IL17RC: variants seen among roughly 807,000 people sequenced by gnomAD.
IL17RC encodes the protein interleukin-17 receptor C.
Under a neutral mutation model 86.7 loss-of-function variants are expected in IL17RC, and 53 were observed. The ratio of observed to expected loss-of-function variants is 0.61; its 90% CI spans 0.49 to 0.77. IL17RC has a LOEUF of 0.77. IL17RC is among the 30% of genes least tolerant of loss of function. The pLI, the probability that IL17RC is intolerant of heterozygous loss-of-function variation, is 0.00. For synonymous variants in IL17RC, 439 were observed against 413.1 expected, an observed-to-expected ratio of 1.06 and a Z score of -0.76; for missense variants, 957 against 940.0, an observed-to-expected ratio of 1.02 and a Z score of -0.24.
intron 7 of IL17RC, among the ~76,000 whole-genome samples, chr3:9,922,325 A>T (rs1377424418): frequency 6.6e-6 from 1 of 150,604 alleles, no homozygotes; most frequent in Non-Finnish European, 1.5e-5. Flanking sequence ...AATACATCAC[A>T]TACTGTGATG....
Position 9,930,830 on chromosome 3 carries a change from A to C in IL17RC, c.1339-65A>C. 6.3e-6 allele frequency: 9 copies of C among 1,429,432 alleles called. No homozygotes were observed. Among genetic ancestry groups the C allele is most frequent in the Non-Finnish European group, 7.9e-6 (8 of 1,011,842 alleles). 88.5% of individuals were successfully genotyped at this position (1,429,432 alleles called of 1,614,324 possible). A position where few individuals can be genotyped will look rare whatever the true frequency, so the allele number is the denominator to read the frequency against. On this transcript the variant is annotated intron_variant, in intron 15 of 18. Coordinates refer to ENST00000403601, the MANE Select transcript of IL17RC (RefSeq NM_153460.4). The surrounding 1 kb of genome is among the most constrained non-coding windows in gnomAD (Gnocchi z 5.8). ...CTGGGAATTTGGAGATCAGGCCACC[A>C]GAGCTTGGTGAATATTGGAACACCT... is the stretch of plus-strand genomic sequence containing the variant.
intron 9 of IL17RC, among the ~76,000 whole-genome samples, chr3:9,925,860 A>T (rs866349994): frequency 0.011 from 1,518 of 138,526 alleles, 22 homozygotes; most frequent in African/African-American, 0.038. Context: ...ATTTTCTTAA[A>T]TTTTTTTTTT....
At chr3:9,923,533 G>C (rs1172529896) in intron 7 of IL17RC, among the ~76,000 whole-genome samples, 1 of 151,288 alleles carries the variant, frequency 6.6e-6, no homozygotes, top group Non-Finnish European at 1.5e-5. Flanking sequence ...CTGGGCAACA[G>C]AGCAAGACTC....
At chr3:9,921,270 C>T (rs1360699926) in intron 7 of IL17RC, among the ~76,000 whole-genome samples, 1 of 152,100 alleles carries the variant, frequency 6.6e-6, no homozygotes, top group African/African-American at 2.4e-5. Context: ...GCCTGGGCAA[C>T]ATGGCAAATC....
intron 7 of IL17RC, among the ~76,000 whole-genome samples, chr3:9,922,606 C>A (rs1392265794): frequency 6.6e-6 from 1 of 152,082 alleles, no homozygotes; most frequent in Non-Finnish European, 1.5e-5. Flanking sequence ...AAAAACCCGA[C>A]CCCACGGAGC....
At position 9,933,309 on chromosome 3, in the gene IL17RC, G is replaced by C. The variant is rs758552570; in HGVS notation, c.1879G>C (p.Gly627Arg). The C allele has an allele frequency of 8.1e-6, 13 of 1,605,432 alleles. No individual in the cohort carries two copies. The highest frequency in any genetic ancestry group is 1.1e-5 in the Non-Finnish European group (13 of 1,176,082). Residue 627 changes from glycine (G) to arginine (R), a missense_variant, in exon 19 of 19, where the codon GGC becomes CGC. Transcript: ENST00000403601. ...LPDFLQGRAP[G>R]SYVGACFDRL... ...CGACTTCTTGCAGGGCCGGGCGCCC[G>C]GCAGCTACGTGGGGGCCTGCTTCGA...
Position 9,933,094 on chromosome 3 carries a change from G to C in IL17RC, c.1664G>C (p.Ser555Thr). The C allele has an allele frequency of 6.4e-7, 1 of 1,570,032 alleles. No individual in the cohort carries two copies. Residue 555 changes from serine to threonine, a missense_variant, in exon 19 of 19, where the codon AGC becomes ACC. Physicochemically the swap from Ser to Thr is moderately conservative, Grantham distance 58. Transcript: ENST00000403601. ...GACCTGTGGAGCCGTCGTGAACTGA[G>C]CGCGCAGGGGCCCGTGGCTTGGTTT... ...AVDLWSRRELSAQGPVAWFHA... is the reference protein window; with the variant it reads ...AVDLWSRRELTAQGPVAWFHA...
chr3:9,931,464 CACACACAT>C (rs1163019836), intron 16 of IL17RC, among the ~76,000 whole-genome samples: 2 of 10,798 alleles, frequency 1.9e-4, no homozygotes, highest in African/African-American at 2.3e-4. Flanking sequence ...CACACACACA[CACACACAT>C]ATATATATAT....
chr3:9,922,898 G>A (rs6776272), intron 7 of IL17RC, among the ~76,000 whole-genome samples: 77,961 of 151,984 alleles, frequency 0.51, 20,966 homozygotes, highest in East Asian at 0.96. Flanking sequence ...GGAGGGGGCC[G>A]GGCGCGGTGG....
Position 9,933,082 on chromosome 3 carries a change from G to T in IL17RC, c.1652G>T (p.Arg551Leu). ...PLRVAVDLWS[R>L]RELSAQGPVA... ...CGCGTGGCCGTAGACCTGTGGAGCCGTCGTGAACTGAGCGCGCAGGGGCCC... is the reference window on the plus strand; with the variant it reads ...CGCGTGGCCGTAGACCTGTGGAGCCTTCGTGAACTGAGCGCGCAGGGGCCC... Residue 551 changes from arginine to leucine, a missense_variant, in exon 19 of 19, where the codon CGT (arginine) becomes CTT (leucine). Arg to Leu is a moderately radical substitution (Grantham distance 102, BLOSUM62 -2). Coordinates refer to ENST00000403601, the MANE Select transcript of IL17RC (RefSeq NM_153460.4). 1 of 1,565,836 alleles carries T rather than the reference G, an allele frequency of 6.4e-7. No individual in the cohort carries two copies. Among genetic ancestry groups the T allele is most frequent in the African/African-American group, 1.4e-5 (1 of 73,898 alleles).
At position 9,928,293 on chromosome 3, in the gene IL17RC, C is replaced by G. The variant is rs781234746; in HGVS notation, c.878-12C>G. 8 of 1,610,898 alleles carry G rather than the reference C, an allele frequency of 5.0e-6. No individual in the cohort carries two copies. The highest frequency in any genetic ancestry group is 2.7e-5 in the African/African-American group (2 of 74,890). ...GTACCTGGCCTGCGGTGACTGTGCC[C>G]TTTCCTTGCAGACCCCCGCGCACAC... On this transcript the variant is annotated splice_polypyrimidine_tract_variant and intron_variant, in intron 10 of 18. Transcript: ENST00000403601.
At chr3:9,917,511 A>G in intron 1 of IL17RC, 91 bp downstream of exon 1, 1 of 1,614,122 alleles carries the variant, frequency 6.2e-7, no homozygotes, top group Non-Finnish European at 8.5e-7. Context: ...CACTGCTGCC[A>G]CTGCCAGAAC....
In IL17RC at chr3:9,930,378, C is replaced by T. The variant is rs2084541550; in HGVS notation, c.1279-22C>T. The T allele has an allele frequency of 1.2e-6, 2 of 1,613,568 alleles. No homozygotes were observed. The highest frequency in any genetic ancestry group is 3.3e-5 in the Admixed American group (2 of 59,996). ...AGGGTGCTACCTCCAGGTAACAGTG[C>T]CCCCATCCTTTGGCTTGGCAGAGGG... On this transcript the variant is annotated intron_variant, in intron 14 of 18. Coordinates refer to ENST00000403601, the MANE Select transcript of IL17RC (RefSeq NM_153460.4). This position sits in a 1 kb window ranked among gnomAD's most constrained non-coding sequence, Gnocchi z 5.8.
In IL17RC at chr3:9,933,024, G is replaced by A. The variant is rs2084929825; in HGVS notation, c.1594G>A (p.Ala532Thr). ...DDSGFERLVG[A>T]LASALCQLPL... ...CTCGGGTTTCGAGCGCCTGGTGGGC[G>A]CCCTGGCGTCGGCCCTGTGCCAGCT... Residue 532 changes from alanine to threonine, a missense_variant, in exon 19 of 19, where the codon GCC (alanine) becomes ACC (threonine). Ala to Thr is a moderately conservative substitution (Grantham distance 58). Coordinates refer to ENST00000403601, the MANE Select transcript of IL17RC (RefSeq NM_153460.4). The A allele has an allele frequency of 1.9e-6, 3 of 1,560,586 alleles. No homozygotes were observed. The highest frequency in any genetic ancestry group is 1.4e-5 in the African/African-American group (1 of 73,188).
Position 9,930,267 on chromosome 3 carries a change from C to A in IL17RC, c.1278+118C>A. On this transcript the variant is annotated intron_variant, in intron 14 of 18. Coordinates refer to ENST00000403601, the MANE Select transcript of IL17RC (RefSeq NM_153460.4). This position sits in a 1 kb window ranked among gnomAD's most constrained non-coding sequence, Gnocchi z 5.8. ...TGGGAACATGGGGGGTGACTCAGACCAGGGCCATATTCAGCGGCATCACCA... is the reference window on the plus strand; with the variant it reads ...TGGGAACATGGGGGGTGACTCAGACAAGGGCCATATTCAGCGGCATCACCA... 6.5e-7 allele frequency: 1 copy of A among 1,535,384 alleles called. No homozygotes were observed. Among genetic ancestry groups the A allele is most frequent in the Non-Finnish European group, 8.9e-7 (1 of 1,117,408 alleles).
At chr3:9,932,909 T>G in intron 18 of IL17RC, 44 bp from the exon 19 acceptor site, 2 of 1,607,686 alleles carry the variant, frequency 1.2e-6, no homozygotes, top group Non-Finnish European at 1.7e-6. Context: ...GAGCCAGGCC[T>G]GTGCCAGCTC....
At position 9,930,533 on chromosome 3, in the gene IL17RC, C is replaced by A; in HGVS notation, c.1338+74C>A. 1 of 1,395,882 alleles carries A rather than the reference C, an allele frequency of 7.2e-7. No individual in the cohort carries two copies. 86.5% of individuals were successfully genotyped at this position (1,395,882 alleles called of 1,614,324 possible). ...CCTAAAACTAGCACTCACCTACTGTCTATTTAGGCTTATTTTATGTTCAGC... is the reference window on the plus strand; with the variant it reads ...CCTAAAACTAGCACTCACCTACTGTATATTTAGGCTTATTTTATGTTCAGC... On this transcript the variant is annotated intron_variant, in intron 15 of 18. Transcript: ENST00000403601. This position sits in a 1 kb window ranked among gnomAD's most constrained non-coding sequence, Gnocchi z 5.8.
intron 9 of IL17RC, among the ~76,000 whole-genome samples, chr3:9,925,962 G>A (rs6443273): frequency 0.083 from 12,408 of 150,010 alleles, 641 homozygotes; most frequent in Non-Finnish European, 0.12. Context: ...CAGGTTCAAG[G>A]GATCCTCCTG....
Position 9,918,087 on chromosome 3 carries a change from A to T in IL17RC, c.280+12A>T. The T allele has an allele frequency of 6.4e-7, 1 of 1,564,032 alleles. No homozygotes were observed. Among genetic ancestry groups the T allele is most frequent in the Middle Eastern group, 1.7e-4 (1 of 6,006 alleles). The stretch of plus-strand genomic sequence containing the variant: ...CTTGGCCGTGCATGGTGAGCAAGTC[A>T]TCCTGTGACAGTGCATGTGTACACG... On this transcript the variant is annotated intron_variant, in intron 3 of 18. Coordinates refer to ENST00000403601, the MANE Select transcript of IL17RC (RefSeq NM_153460.4).
Sources: allele counts gnomAD v4.1 joint callset (sites outside exome capture counted in the v4.1 genomes callset), GRCh38; gene constraint gnomAD v4.1.1; non-coding constraint Gnocchi (gnomAD v3.1); transcripts MANE v1.5; gene names NCBI Gene and HGNC (gene_info 2026-07-23, HGNC 2026-07-21).